COL25A1: variants seen among roughly 807,000 people sequenced by gnomAD.
The protein encoded by COL25A1 is collagen alpha-1(XXV) chain.
Under a neutral mutation model 128.4 loss-of-function variants are expected in COL25A1, and 103 were observed. The ratio of observed to expected loss-of-function variants is 0.80; its 90% CI spans 0.68 to 0.94. The LOEUF is 0.94. Ranked by LOEUF, COL25A1 falls within the 40% of genes least tolerant of loss-of-function variation. The pLI is 0.00. For synonymous variants in COL25A1, 279 were observed against 277.2 expected (o/e 1.01, Z -0.06); for missense variants, 745 against 840.0 (o/e 0.89, Z 1.40).
intron 5 of COL25A1, among the ~76,000 whole-genome samples, chr4:109,020,991 C>A (rs1757692592): frequency 6.6e-6 from 1 of 152,186 alleles, no homozygotes; most frequent in Non-Finnish European, 1.5e-5. Flanking sequence ...GAATTTTGCT[C>A]TTTTCCCAGG....
At chr4:109,202,600 A>C (rs1776639200) in intron 3 of COL25A1, among the ~76,000 whole-genome samples, 2 of 152,182 alleles carry the variant, frequency 1.3e-5, no homozygotes, top group Non-Finnish European at 2.9e-5. Flanking sequence ...CCATAAAAGA[A>C]AAAACCAAAA....
At chr4:109,068,756 G>T (rs1762673146) in intron 3 of COL25A1, among the ~76,000 whole-genome samples, 1 of 152,080 alleles carries the variant, frequency 6.6e-6, no homozygotes, top group Non-Finnish European at 1.5e-5. Context: ...ATGACCTCAC[G>T]AAGTATTTAC....
intron 3 of COL25A1, among the ~76,000 whole-genome samples, chr4:109,126,239 T>C (rs1768592143): frequency 6.6e-6 from 1 of 152,224 alleles, no homozygotes; most frequent in Non-Finnish European, 1.5e-5. Flanking sequence ...GACATTTTTT[T>C]CTAAAAAGAC....
Position 109,149,487 on chromosome 4 carries a change from A to G in COL25A1, c.368-99308T>C, listed in dbSNP as rs143066061. On this transcript the variant is annotated intron_variant, in intron 3 of 37. Transcript: ENST00000399132. ...ACTCAAATACATAACAGTGCTGTGT[A>G]CTGAGGTGATTTTAAATAATAAAAT... Among the ~76,000 whole-genome samples the G allele has an allele frequency of 2.2e-3, 336 of 152,248 alleles. 3 individuals are homozygous for G. The South Asian group carries it at 0.032, about 14-fold the overall frequency.
chr4:109,074,253 C>T (rs1425828290), intron 3 of COL25A1, among the ~76,000 whole-genome samples: 1 of 152,170 alleles, frequency 6.6e-6, no homozygotes, highest in Non-Finnish European at 1.5e-5. Context: ...CAGCCCAGTT[C>T]CTAACAGGCC....
In COL25A1 at chr4:108,937,874, C is replaced by T. The variant is rs368367331; in HGVS notation, c.673-31G>A. ...AAAAGAATAGTGATAATTTTAGTAACGCTGTAAGTATTTAAAAAAAAACCC... is the reference window on the plus strand; with the variant it reads ...AAAAGAATAGTGATAATTTTAGTAATGCTGTAAGTATTTAAAAAAAAACCC... On this transcript the variant is annotated intron_variant, in intron 10 of 37. Coordinates refer to ENST00000399132, the MANE Select transcript of COL25A1 (RefSeq NM_198721.4). The T allele has an allele frequency of 6.7e-5, 105 of 1,566,210 alleles. 1 individual carries two copies. Among genetic ancestry groups the T allele is most frequent in the South Asian group, 4.7e-4 (40 of 84,608 alleles).
At chr4:108,999,179 A>G (rs1038200630) in intron 6 of COL25A1, among the ~76,000 whole-genome samples, 1 of 95,294 alleles carries the variant, frequency 1.0e-5, no homozygotes, top group African/African-American at 3.4e-5. Flanking sequence ...TGAACAGGTA[A>G]CCTAAAGAAT....
chr4:109,179,060 C>A (rs1404499046), intron 3 of COL25A1, among the ~76,000 whole-genome samples: 1 of 151,816 alleles, frequency 6.6e-6, no homozygotes, highest in Non-Finnish European at 1.5e-5. Context: ...AAAAGTTGTC[C>A]TAAAATGTTT....
chr4:108,838,706 G>T (rs1351150958), intron 31 of COL25A1, among the ~76,000 whole-genome samples: 1 of 152,152 alleles, frequency 6.6e-6, no homozygotes, highest in Non-Finnish European at 1.5e-5. Flanking sequence ...CCCTTGCCAA[G>T]TCAGATCCCT....
At chr4:108,988,287 A>T (rs993102626) in intron 6 of COL25A1, among the ~76,000 whole-genome samples, 2 of 152,244 alleles carry the variant, frequency 1.3e-5, no homozygotes, top group African/African-American at 2.4e-5. Flanking sequence ...ATACATTAGC[A>T]TATTTTCTGC....
chr4:109,041,665 A>G (rs1253182939), intron 5 of COL25A1, among the ~76,000 whole-genome samples: 1 of 152,132 alleles, frequency 6.6e-6, no homozygotes, highest in African/African-American at 2.4e-5. Context: ...AGGTATGAAC[A>G]TGTGACTTGA....
chr4:108,873,522 CTAGTAGTAGTAGTAG>C (rs58240378), intron 19 of COL25A1, among the ~76,000 whole-genome samples: 3 of 147,262 alleles, frequency 2.0e-5, no homozygotes, highest in Non-Finnish European at 4.5e-5. Context: ...TGTTAGCTGT[CTAGTAGTAGTAGTAG>C]TAGTAGTAGT....
intron 3 of COL25A1, among the ~76,000 whole-genome samples, chr4:109,093,029 C>CT (rs200463211): frequency 0.014 from 2,008 of 148,196 alleles, 42 homozygotes; most frequent in African/African-American, 0.047. Flanking sequence ...ATTACAGTCA[C>CT]TTTTTTTTTT....
intron 5 of COL25A1, among the ~76,000 whole-genome samples, chr4:109,034,785 A>G (rs74367352): frequency 0.071 from 10,786 of 152,264 alleles, 465 homozygotes; most frequent in Non-Finnish European, 0.09. Flanking sequence ...GTCAATTTCT[A>G]TATATGCATC....
chr4:109,186,755 C>T (rs1775173153), intron 3 of COL25A1, among the ~76,000 whole-genome samples: 1 of 152,188 alleles, frequency 6.6e-6, no homozygotes, highest in South Asian at 2.1e-4. Context: ...GAAGAATAAA[C>T]ATTTACATAA....
chr4:109,153,773 C>CA (rs1427049340), intron 3 of COL25A1, among the ~76,000 whole-genome samples: 2 of 152,090 alleles, frequency 1.3e-5, no homozygotes, highest in East Asian at 3.8e-4. Context: ...GGGAACTTAC[C>CA]AAAAAATAAG....
At chr4:109,282,415 TG>T (rs1170893698) in intron 3 of COL25A1, among the ~76,000 whole-genome samples, 1 of 151,922 alleles carries the variant, frequency 6.6e-6, no homozygotes, top group African/African-American at 2.4e-5. Context: ...GTAGCAGAAG[TG>T]GAAAAGAACT....
intron 3 of COL25A1, among the ~76,000 whole-genome samples, chr4:109,283,895 A>G (rs2158185): frequency 0.093 from 14,152 of 152,218 alleles, 769 homozygotes; most frequent in East Asian, 0.23. Context: ...AGTGGAAAAC[A>G]TCTATCAACC....
chr4:109,246,303 G>C (rs1398174865), intron 3 of COL25A1, among the ~76,000 whole-genome samples: 1 of 152,080 alleles, frequency 6.6e-6, no homozygotes, highest in African/African-American at 2.4e-5. Flanking sequence ...TATACAGTAA[G>C]CTGGTAGAGC....
Sources: allele counts gnomAD v4.1 joint callset (sites outside exome capture counted in the v4.1 genomes callset), GRCh38; gene constraint gnomAD v4.1.1; transcripts MANE v1.5; gene names NCBI Gene and HGNC (gene_info 2026-07-23, HGNC 2026-07-21).